The following POTEM variants were observed in gnomAD, a reference collection of about 807,000 sequenced individuals.
The protein encoded by POTEM is POTE ankyrin domain family member M, also known as putative POTE ankyrin domain family member M.
For missense variants in POTEM, 24 were observed against 343.0 expected (o/e 0.07, Z 7.35); for synonymous variants, 8 against 113.2 (o/e 0.07, Z 5.90).
At chr14:18,969,335 G>GTGTATATATA (rs1890850267) in intron 1 of POTEM, among the ~76,000 whole-genome samples, 1 of 76,966 alleles carries the variant, frequency 1.3e-5, no homozygotes, top group Admixed American at 1.2e-4. Flanking sequence ...ATATATATAC[G>GTGTATATATA]TATATACATA....
rs563184168 is a variant in POTEM at position 18,999,581 on chromosome 14, C to G, written c.*916C>G. On this transcript the variant is annotated 3_prime_UTR_variant, in exon 11 of 11. Coordinates refer to ENST00000547889, the MANE Select transcript of POTEM (RefSeq NM_001145442.1). ...CGGCCTCCAGCTCCTCCCTAGAGAA[C>G]AGCTATGAGCTGCCCAACGGCCAGG... Among the ~76,000 whole-genome samples, 14,119 of 80,696 alleles carry G rather than the reference C, an allele frequency of 0.17. 326 individuals carry two copies. Among genetic ancestry groups the G allele is most frequent in the South Asian group, 0.26 (666 of 2,540 alleles). 52.9% of individuals were successfully genotyped at this position (80,696 alleles called of 152,430 possible).
chr14:18,972,351 GTTAT>G lies in POTEM; in HGVS notation c.522-406_522-403del, dbSNP rs1168997823. ...CATAATATCTAACAATTATTGAGCTGTTATTTGTGTTAGGAACTATTCTGTATCT... is the reference window on the plus strand; with the variant it reads ...CATAATATCTAACAATTATTGAGCTGTTGTGTTAGGAACTATTCTGTATCT... On this transcript the variant is annotated intron_variant, in intron 1 of 10. Coordinates refer to ENST00000547889, the MANE Select transcript of POTEM (RefSeq NM_001145442.1). Among the ~76,000 whole-genome samples, 4 of 88,556 alleles carry G rather than the reference GTTAT, an allele frequency of 4.5e-5. No homozygotes were observed. The East Asian group carries it at 1.0e-3, about 22-fold the overall frequency. The allele number at this position is 88,556 out of a possible 152,430, so 58.1% of individuals were successfully genotyped here. A position where few individuals can be genotyped will look rare whatever the true frequency, so the allele number is the denominator to read the frequency against.
chr14:18,999,530 G>A lies in POTEM; in HGVS notation c.*865G>A, dbSNP rs1457342413. Among the ~76,000 whole-genome samples the A allele has an allele frequency of 2.0e-5, 2 of 102,262 alleles. No individual in the cohort carries two copies. The highest frequency in any genetic ancestry group is 6.7e-5 in the African/African-American group (2 of 29,838). 67.1% of individuals were successfully genotyped at this position (102,262 alleles called of 152,430 possible). On this transcript the variant is annotated 3_prime_UTR_variant, in exon 11 of 11. Transcript: ENST00000547889. ...CAGAGAAGCTGTGCTATGTTGCCCTGGACTTCGAGCAGGAGATGGCCACAG... is the reference window on the plus strand; with the variant it reads ...CAGAGAAGCTGTGCTATGTTGCCCTAGACTTCGAGCAGGAGATGGCCACAG...
chr14:18,969,319 A>ATATATG (rs1890847161), intron 1 of POTEM, among the ~76,000 whole-genome samples: 1 of 68,618 alleles, frequency 1.5e-5, no homozygotes, highest in Non-Finnish European at 2.6e-5. Flanking sequence ...ATATATATGT[A>ATATATG]TATATATATA....
intron 7 of POTEM, among the ~76,000 whole-genome samples, chr14:18,985,970 C>G (rs1293181765): frequency 1.4e-5 from 1 of 73,324 alleles, no homozygotes; most frequent in Non-Finnish European, 2.8e-5. Context: ...ATAAATTCAG[C>G]AACCTTATTA....
intron 7 of POTEM, among the ~76,000 whole-genome samples, chr14:18,985,903 CAAAA>C (rs1162516671): frequency 4.4e-4 from 30 of 68,912 alleles, no homozygotes; most frequent in African/African-American, 1.1e-3. Context: ...GACTCTGTGT[CAAAA>C]AAAAAAAAAA....
In POTEM at chr14:18,999,005, C is replaced by A; in HGVS notation, c.*340C>A. The A allele has an allele frequency of 1.8e-5, 3 of 166,850 alleles. 1 individual carries two copies. The Admixed American group carries it at 3.7e-4, about 20-fold the overall frequency. The allele number at this position is 166,850 out of a possible 1,614,324, so 10.3% of individuals were successfully genotyped here. A position where few individuals can be genotyped will look rare whatever the true frequency, so the allele number is the denominator to read the frequency against. On this transcript the variant is annotated 3_prime_UTR_variant, in exon 11 of 11. Transcript: ENST00000547889. ...CCAGGCACCAGAACATGATGGGGGG[C>A]ATGCGTCAGATGGAGTCCTATGTGG... is the stretch of plus-strand genomic sequence containing the variant.
chr14:18,971,909 A>ATTGAAAACCAAAGT (rs1890883320), intron 1 of POTEM, among the ~76,000 whole-genome samples: 2 of 99,804 alleles, frequency 2.0e-5, no homozygotes, highest in East Asian at 4.7e-4. Flanking sequence ...TGTTTGGCTT[A>ATTGAAAACCAAAGT]AAGTTTATTG....
rs1891394667 is a variant in POTEM, at chr14:19,002,382, TGAG to T, written c.*3719_*3721del. Among the ~76,000 whole-genome samples, 1 of 108,130 alleles carries T rather than the reference TGAG, an allele frequency of 9.2e-6. No homozygotes were observed. Among genetic ancestry groups the T allele is most frequent in the Non-Finnish European group, 1.9e-5 (1 of 51,516 alleles). The allele number at this position is 108,130 out of a possible 152,430, so 70.9% of individuals were successfully genotyped here. On this transcript the variant is annotated 3_prime_UTR_variant, in exon 11 of 11. Transcript: ENST00000547889. Reference sequence around the variant, plus strand: ...CTTTGTCCCAGCACTTTAGGAATGCTGAGGTCAGACCAGCCACATCTCATGTGC... The same window carrying T: ...CTTTGTCCCAGCACTTTAGGAATGCTGTCAGACCAGCCACATCTCATGTGC...
In POTEM at chr14:18,999,412, G is replaced by A. The variant is rs1891342324; in HGVS notation, c.*747G>A. 7.4e-6 allele frequency among the ~76,000 whole-genome samples: 1 copy of A among 134,878 alleles called. No individual in the cohort carries two copies. The highest frequency in any genetic ancestry group is 2.4e-4 in the South Asian group (1 of 4,198). The allele number at this position is 134,878 out of a possible 152,430, so 88.5% of individuals were successfully genotyped here. A position where few individuals can be genotyped will look rare whatever the true frequency, so the allele number is the denominator to read the frequency against. The stretch of plus-strand genomic sequence containing the variant: ...GCCACCCTGCGCCTAGACCTGGCTG[G>A]CCGGGAACTGACTGACTACCTCATG... On this transcript the variant is annotated 3_prime_UTR_variant, in exon 11 of 11. Transcript: ENST00000547889.
At chr14:18,968,755 G>A (rs1216102610) in intron 1 of POTEM, among the ~76,000 whole-genome samples, 18 of 152,264 alleles carry the variant, frequency 1.2e-4, no homozygotes, top group African/African-American at 4.3e-4. Flanking sequence ...CCCGGGAGGC[G>A]GAGCTTGCAG....
chr14:19,002,979 A>G lies in POTEM; in HGVS notation c.*4314A>G, dbSNP rs879997453. Among the ~76,000 whole-genome samples the G allele has an allele frequency of 5.8e-3, 725 of 126,086 alleles. 1 individual carries two copies. The highest frequency in any genetic ancestry group is 7.0e-3 in the Non-Finnish European group (380 of 54,356). The allele number at this position is 126,086 out of a possible 152,430, so 82.7% of individuals were successfully genotyped here. A position where few individuals can be genotyped will look rare whatever the true frequency, so the allele number is the denominator to read the frequency against. The stretch of plus-strand genomic sequence containing the variant: ...TAGGCATCATAAGTGAAGGAGAAAT[A>G]AGATCCTTTTCAGACAAGCAAATGC... On this transcript the variant is annotated 3_prime_UTR_variant, in exon 11 of 11. Transcript: ENST00000547889.
At chr14:18,968,306 A>G (rs1286375039) in intron 1 of POTEM, among the ~76,000 whole-genome samples, 1 of 152,292 alleles carries the variant, frequency 6.6e-6, no homozygotes, top group Non-Finnish European at 1.5e-5. Context: ...TACAGATTTT[A>G]AAACAATGTT....
intron 1 of POTEM, among the ~76,000 whole-genome samples, chr14:18,969,444 G>A (rs1211891394): frequency 9.0e-6 from 1 of 111,490 alleles, no homozygotes; most frequent in Non-Finnish European, 1.8e-5. Context: ...GTGCAGTGGT[G>A]CGATCTCGGC....
At chr14:18,979,699 GGCA>G (rs1391387390) in intron 5 of POTEM, among the ~76,000 whole-genome samples, 4 of 147,338 alleles carry the variant, frequency 2.7e-5, no homozygotes, top group African/African-American at 1.0e-4. Context: ...AGGGAAATAA[GGCA>G]GCAAAGTCCT....
At position 18,992,993 on chromosome 14, in the gene POTEM, T is replaced by C. The variant is rs1488722401; in HGVS notation, c.1410-4048T>C. On this transcript the variant is annotated intron_variant, in intron 9 of 10. Transcript: ENST00000547889. ...CTCACTGCAACCTCCGCCTCCTGGG[T>C]TCAAGTGATTCTCCTGCCTCAGCCA... Among the ~76,000 whole-genome samples the C allele has an allele frequency of 3.7e-4, 25 of 67,196 alleles. No individual in the cohort carries two copies. In the South Asian group the frequency reaches 9.3e-3, roughly 25 times the overall value. 44.1% of individuals were successfully genotyped at this position (67,196 alleles called of 152,430 possible).
At chr14:18,968,675 T>A (rs1177463202) in intron 1 of POTEM, among the ~76,000 whole-genome samples, 20 of 151,632 alleles carry the variant, frequency 1.3e-4, no homozygotes, top group African/African-American at 4.8e-4. Context: ...TAAAAAAAAT[T>A]AGCTGGACGC....
intron 1 of POTEM, among the ~76,000 whole-genome samples, chr14:18,969,322 TATA>T (rs1890848241): frequency 1.1e-5 from 1 of 88,944 alleles, no homozygotes; most frequent in Non-Finnish European, 2.2e-5. Flanking sequence ...TATATGTATA[TATA>T]TATATATACG....
At position 19,002,688 on chromosome 14, in the gene POTEM, A is replaced by C. The variant is rs1399822187; in HGVS notation, c.*4023A>C. 6.6e-6 allele frequency among the ~76,000 whole-genome samples: 1 copy of C among 152,142 alleles called. No individual in the cohort carries two copies. Among genetic ancestry groups the C allele is most frequent in the African/African-American group, 2.4e-5 (1 of 41,412 alleles). ...GGGCACTCTCAGATGCCCATACCAT[A>C]GTTTCTGTGCTAGTGGACCGTACCA... On this transcript the variant is annotated 3_prime_UTR_variant, in exon 11 of 11. Transcript: ENST00000547889.
Sources: allele counts gnomAD v4.1 joint callset (sites outside exome capture counted in the v4.1 genomes callset), GRCh38; gene constraint gnomAD v4.1.1; transcripts MANE v1.5; gene names NCBI Gene and HGNC (gene_info 2026-07-23, HGNC 2026-07-21).